LRFN5: variants seen among roughly 807,000 people sequenced by gnomAD.
LRFN5 encodes the protein leucine rich repeat and fibronectin type III domain containing 5, also known as leucine-rich repeat and fibronectin type-III domain-containing protein 5.
A neutral mutation model predicts 45.6 loss-of-function variants in LRFN5; 24 were observed. The observed-to-expected ratio is 0.53, with a 90% CI of 0.38 to 0.74. The LOEUF is 0.74. Ranked by LOEUF, LRFN5 falls within the 30% of genes least tolerant of loss-of-function variation. The probability of loss-of-function intolerance (pLI) is 0.00; values close to 1 mark genes in which losing one functional copy is unlikely to be tolerated. For missense variants in LRFN5, 776 were observed against 861.5 expected (o/e 0.90, Z 1.24); for synonymous variants, 340 against 313.8 (o/e 1.08, Z -0.88).
intron 1 of LRFN5, among the ~76,000 whole-genome samples, chr14:41,763,107 G>A (rs1885737615): frequency 6.6e-6 from 1 of 152,154 alleles, no homozygotes; most frequent in African/African-American, 2.4e-5. Flanking sequence ...GCAGGTTTAG[G>A]AAGAATTTTC....
intron 1 of LRFN5, among the ~76,000 whole-genome samples, chr14:41,766,436 A>T (rs994689144): frequency 2.0e-5 from 3 of 152,188 alleles, no homozygotes; most frequent in Non-Finnish European, 2.9e-5. Context: ...TTTAATCAGG[A>T]TAAGGGTTTT....
At chr14:41,834,071 G>T (rs1232443227) in intron 2 of LRFN5, among the ~76,000 whole-genome samples, 1 of 152,098 alleles carries the variant, frequency 6.6e-6, no homozygotes, top group South Asian at 2.1e-4. Flanking sequence ...TTTTATTTGT[G>T]TGTCAGCATG....
At chr14:41,842,175 A>T (rs1463775939) in intron 2 of LRFN5, among the ~76,000 whole-genome samples, 14 of 152,028 alleles carry the variant, frequency 9.2e-5, no homozygotes, top group African/African-American at 3.1e-4. Context: ...GATATTACTT[A>T]TGCAGGTTAA....
chr14:41,854,684 A>G (rs939328065), intron 2 of LRFN5, among the ~76,000 whole-genome samples: 1 of 152,154 alleles, frequency 6.6e-6, no homozygotes, highest in Non-Finnish European at 1.5e-5. Flanking sequence ...GGAAAGAAGA[A>G]ATTGAGCAAA....
chr14:41,821,543 C>G (rs1888113290), intron 2 of LRFN5, among the ~76,000 whole-genome samples: 1 of 151,620 alleles, frequency 6.6e-6, no homozygotes, highest in African/African-American at 2.4e-5. Flanking sequence ...GTATTCTGTT[C>G]AGAATTTTTG....
intron 1 of LRFN5, among the ~76,000 whole-genome samples, chr14:41,716,871 C>T (rs1025449078): frequency 6.6e-6 from 1 of 152,144 alleles, no homozygotes; most frequent in Non-Finnish European, 1.5e-5. Flanking sequence ...GATATTCAAA[C>T]CATAGCACTC....
At chr14:41,721,133 A>C (rs1254495739) in intron 1 of LRFN5, among the ~76,000 whole-genome samples, 1 of 152,082 alleles carries the variant, frequency 6.6e-6, no homozygotes, top group Non-Finnish European at 1.5e-5. Context: ...GTCATTATGT[A>C]ATGTTCTTCT....
chr14:41,746,786 C>A (rs1271592824), intron 1 of LRFN5, among the ~76,000 whole-genome samples: 1 of 151,946 alleles, frequency 6.6e-6, no homozygotes, highest in Non-Finnish European at 1.5e-5. Context: ...ATGATATGAT[C>A]TTTTAAGTAG....
At chr14:41,801,286 T>C (rs1399871887) in intron 2 of LRFN5, among the ~76,000 whole-genome samples, 3 of 152,156 alleles carry the variant, frequency 2.0e-5, no homozygotes, top group Non-Finnish European at 1.5e-5. Flanking sequence ...AGTATATGTA[T>C]GTTTGTAAAG....
chr14:41,856,679 T>TATTATTATTATTA (rs1566486513), intron 2 of LRFN5, among the ~76,000 whole-genome samples: 75 of 60,092 alleles, frequency 1.2e-3, no homozygotes, highest in African/African-American at 4.0e-3. Flanking sequence ...ATTATTATTT[T>TATTATTATTATTA]TTTTTTTTTT....
At chr14:41,712,952 AAAAC>A (rs1185637956) in intron 1 of LRFN5, among the ~76,000 whole-genome samples, 2 of 152,128 alleles carry the variant, frequency 1.3e-5, no homozygotes, top group Non-Finnish European at 2.9e-5. Flanking sequence ...AAAATAAAAT[AAAAC>A]AAATGTAAAG....
chr14:41,692,985 T>C (rs188512010), intron 1 of LRFN5, among the ~76,000 whole-genome samples: 143 of 152,252 alleles, frequency 9.4e-4, no homozygotes, highest in Non-Finnish European at 1.2e-3. Flanking sequence ...ATATATGTCA[T>C]ATAAATTTTA....
chr14:41,781,796 A>G (rs908062909), intron 2 of LRFN5, among the ~76,000 whole-genome samples: 2 of 151,838 alleles, frequency 1.3e-5, no homozygotes, highest in Non-Finnish European at 2.9e-5. Flanking sequence ...TTGGAGGAAA[A>G]GATGTTGCTA....
intron 1 of LRFN5, among the ~76,000 whole-genome samples, chr14:41,673,314 T>C (rs528972347): frequency 6.6e-6 from 1 of 150,790 alleles, no homozygotes; most frequent in South Asian, 2.1e-4. Flanking sequence ...GCCCCTCACC[T>C]CCGGGACGAG....
chr14:41,793,449 A>G (rs1887006851), intron 2 of LRFN5, among the ~76,000 whole-genome samples: 1 of 152,100 alleles, frequency 6.6e-6, no homozygotes, highest in Middle Eastern at 3.2e-3. Context: ...CTTTTGGAAT[A>G]TAATTTTACT....
At chr14:41,844,989 A>G (rs1432829770) in intron 2 of LRFN5, among the ~76,000 whole-genome samples, 4 of 152,140 alleles carry the variant, frequency 2.6e-5, no homozygotes, top group African/African-American at 9.6e-5. Context: ...GCCAATTTAT[A>G]AATAAGTATC....
At chr14:41,758,771 C>G (rs957466229) in intron 1 of LRFN5, among the ~76,000 whole-genome samples, 1 of 152,138 alleles carries the variant, frequency 6.6e-6, no homozygotes, top group African/African-American at 2.4e-5. Context: ...TCCCATACAG[C>G]CTTCATAGTT....
intron 2 of LRFN5, among the ~76,000 whole-genome samples, chr14:41,853,451 C>A (rs1303242652): frequency 6.6e-6 from 1 of 151,892 alleles, no homozygotes; most frequent in African/African-American, 2.4e-5. Context: ...TATAGACTTA[C>A]CAGTGAATTG....
chr14:41,643,490 T>A (rs531003713), intron 1 of LRFN5, among the ~76,000 whole-genome samples: 2 of 152,288 alleles, frequency 1.3e-5, no homozygotes, highest in East Asian at 3.9e-4. Flanking sequence ...ACACAAACCA[T>A]GTGTGTTAGC....
Sources: gnomAD v4.1 joint callset for allele counts (sites outside exome capture counted in the v4.1 genomes callset) on GRCh38, gnomAD v4.1.1 for gene constraint, MANE v1.5 for transcripts, NCBI Gene and HGNC (gene_info 2026-07-23, HGNC 2026-07-21) for gene names.